The following ZNF385D variants were observed in gnomAD, a reference collection of about 807,000 sequenced individuals.
ZNF385D encodes the protein zinc finger protein 385D, also known as zinc finger protein 659.
ZNF385D carries 15 observed loss-of-function variants against 35.8 expected under a neutral mutation model. The ratio of observed to expected loss-of-function variants is 0.42; its 90% confidence interval spans 0.28 to 0.64. ZNF385D has a LOEUF of 0.64. Among genes scored for constraint, ZNF385D ranks in the 30% least tolerant of loss-of-function variants. The pLI is 0.23. For missense variants in ZNF385D, 474 were observed against 494.6 expected, an observed-to-expected ratio of 0.96 and a Z score of 0.39; for synonymous variants, 212 against 186.8, an observed-to-expected ratio of 1.13 and a Z score of -1.10.
chr3:22,287,634 A>G lies in ZNF385D; in HGVS notation c.106+84816T>C, dbSNP rs191354895. ...CTAACTTGGCATACACAAACTCTAC[A>G]CTTTTTCTACCCATAACCCCCAGCA... On this transcript the variant is annotated intron_variant, in intron 2 of 5. Coordinates refer to the ZNF385D transcript ENST00000494108. 2.0e-5 allele frequency among the ~76,000 whole-genome samples: 3 copies of G among 151,992 alleles called. No individual in the cohort carries two copies. The East Asian group carries it at 5.8e-4, about 29-fold the overall frequency.
chr3:21,954,448 T>C (rs1196841959), intron 3 of ZNF385D, among the ~76,000 whole-genome samples: 1 of 152,006 alleles, frequency 6.6e-6, no homozygotes, highest in Non-Finnish European at 1.5e-5. Context: ...TAAGGAGCCT[T>C]AGTAACACTT....
At chr3:21,872,406 A>G (rs1397852866) in intron 3 of ZNF385D, among the ~76,000 whole-genome samples, 1 of 152,178 alleles carries the variant, frequency 6.6e-6, no homozygotes, top group African/African-American at 2.4e-5. Context: ...AACTCCATAT[A>G]CACACTTTTT....
chr3:21,959,825 G>A lies in ZNF385D; in HGVS notation c.325+208992C>T, dbSNP rs149357819. On this transcript the variant is annotated intron_variant, in intron 3 of 5. Transcript: ENST00000494108. Reference sequence around the variant, plus strand: ...AAGAGAAAATCTGCAAAAGGCAGAAGCTTTCTTTGTCTAACTCAGTTCTGG... The same window carrying A: ...AAGAGAAAATCTGCAAAAGGCAGAAACTTTCTTTGTCTAACTCAGTTCTGG... Among the ~76,000 whole-genome samples the A allele has an allele frequency of 2.6e-3, 395 of 152,276 alleles. 9 individuals carry two copies. The highest frequency in any genetic ancestry group is 0.02 in the Admixed American group (313 of 15,286).
chr3:21,971,572 G>A (rs1271792442), intron 3 of ZNF385D, among the ~76,000 whole-genome samples: 1 of 150,392 alleles, frequency 6.6e-6, no homozygotes, highest in Non-Finnish European at 1.5e-5. Context: ...GGAAGAGATG[G>A]CCAAAAAAAT....
intron 2 of ZNF385D, among the ~76,000 whole-genome samples, chr3:22,193,182 G>T (rs993874958): frequency 2.0e-4 from 31 of 152,056 alleles, no homozygotes; most frequent in Non-Finnish European, 3.5e-4. Context: ...CCACATTGAG[G>T]AAGTACTTTA....
intron 2 of ZNF385D, among the ~76,000 whole-genome samples, chr3:22,177,531 T>G (rs1436603426): frequency 6.6e-6 from 1 of 152,194 alleles, no homozygotes; most frequent in African/African-American, 2.4e-5. Flanking sequence ...AATACCCTAG[T>G]TCTCTGTGAA....
At chr3:21,992,244 A>T (rs1695193716) in intron 3 of ZNF385D, among the ~76,000 whole-genome samples, 1 of 152,142 alleles carries the variant, frequency 6.6e-6, no homozygotes, top group African/African-American at 2.4e-5. Flanking sequence ...GAAGTCAAAG[A>T]TCAGAAAAGC....
intron 3 of ZNF385D, among the ~76,000 whole-genome samples, chr3:21,889,216 A>C (rs17009970): frequency 0.042 from 6,471 of 152,274 alleles, 613 homozygotes; most frequent in Admixed American, 0.21. Flanking sequence ...GATCATATTA[A>C]AGGTCTTTGT....
At chr3:21,768,902 AG>A (rs34909458) in intron 3 of ZNF385D, among the ~76,000 whole-genome samples, 27,011 of 151,958 alleles carry the variant, frequency 0.18, 2,949 homozygotes, top group Non-Finnish European at 0.24. Flanking sequence ...ATTAAAGACT[AG>A]GAAAACTACT....
intron 3 of ZNF385D, among the ~76,000 whole-genome samples, chr3:22,044,388 C>A (rs184847324): frequency 5.9e-5 from 9 of 152,096 alleles, no homozygotes; most frequent in Admixed American, 5.2e-4. Context: ...TGGCCTAGAT[C>A]TGAGCACCCT....
rs540734741 is a variant in ZNF385D at position 21,933,123 on chromosome 3, C to A, written c.325+235694G>T. 5.3e-5 allele frequency among the ~76,000 whole-genome samples: 8 copies of A among 152,234 alleles called. No homozygotes were observed. In the South Asian group the frequency reaches 6.2e-4, roughly 12 times the overall value. On this transcript the variant is annotated intron_variant, in intron 3 of 5. Transcript: ENST00000494108. ...GTGTGGTGATGTTCTCCAGGACTTA[C>A]AATAGAAAAACTCGTCTCAATTTGG...
chr3:22,226,440 T>C (rs940334591), intron 2 of ZNF385D, among the ~76,000 whole-genome samples: 1 of 152,192 alleles, frequency 6.6e-6, no homozygotes, highest in Non-Finnish European at 1.5e-5. Context: ...CCCAAGATTA[T>C]TGTTTCATAC....
In ZNF385D at chr3:21,632,917, A is replaced by T. The variant is rs558713081; in HGVS notation, c.165+31969T>A. On this transcript the variant is annotated intron_variant, in intron 2 of 7. Transcript: ENST00000281523. ...TAACTGGGACATTTGCATTCTATCT[A>T]TTTTATTTATTTACTTGATGAATTC... 4.6e-5 allele frequency among the ~76,000 whole-genome samples: 7 copies of T among 152,188 alleles called. No homozygotes were observed. In the South Asian group the frequency reaches 1.0e-3, roughly 23 times the overall value.
At chr3:21,719,343 T>C (rs2068444907) in intron 1 of ZNF385D, among the ~76,000 whole-genome samples, 1 of 152,194 alleles carries the variant, frequency 6.6e-6, no homozygotes, top group African/African-American at 2.4e-5. Flanking sequence ...TGAGGCAGAA[T>C]AAGTAGTCAA....
At chr3:21,917,981 T>C (rs943146027) in intron 3 of ZNF385D, among the ~76,000 whole-genome samples, 2 of 152,180 alleles carry the variant, frequency 1.3e-5, no homozygotes, top group African/African-American at 4.8e-5. Flanking sequence ...ACATATAAAT[T>C]TATCAAGTTA....
intron 2 of ZNF385D, among the ~76,000 whole-genome samples, chr3:22,245,626 A>T (rs1327800106): frequency 6.6e-6 from 1 of 152,054 alleles, no homozygotes; most frequent in Non-Finnish European, 1.5e-5. Flanking sequence ...CAGATTTGAC[A>T]GCTTGCCACA....
exon 3 of ZNF385D, chr3:22,168,945 T>A (rs548192346): frequency 8.0e-4 from 788 of 985,760 alleles, no homozygotes; most frequent in Non-Finnish European, 9.1e-4. Context: ...CAAAGTAAAG[T>A]TGGTATGTTT....
intron 2 of ZNF385D, among the ~76,000 whole-genome samples, chr3:22,331,942 T>C (rs1186892461): frequency 3.3e-5 from 5 of 152,208 alleles, no homozygotes; most frequent in Admixed American, 6.5e-5. Context: ...ATTTGTGGTC[T>C]TGCTTTTCTA....
chr3:21,734,034 A>G (rs533099365), intron 1 of ZNF385D, among the ~76,000 whole-genome samples: 1 of 152,276 alleles, frequency 6.6e-6, no homozygotes. Flanking sequence ...CTCTTTTTTC[A>G]TAATTTCAGA....
Sources: gnomAD v4.1 joint callset for allele counts (sites outside exome capture counted in the v4.1 genomes callset) on GRCh38, gnomAD v4.1.1 for gene constraint, MANE v1.5 for transcripts, NCBI Gene and HGNC (gene_info 2026-07-23, HGNC 2026-07-21) for gene names.